DTX3L: variants seen among roughly 807,000 people sequenced by gnomAD.
DTX3L encodes the protein E3 ubiquitin-protein ligase DTX3L.
A neutral mutation model predicts 60.9 loss-of-function variants in DTX3L; 34 were observed. That is an observed-to-expected ratio of 0.56 (90% CI 0.42 to 0.74). The LOEUF (loss-of-function observed/expected upper bound fraction) is 0.74, where lower values mean the gene tolerates loss of function less well. DTX3L is among the 30% of genes least tolerant of loss of function. The pLI, the probability that DTX3L is intolerant of heterozygous loss-of-function variation, is 0.00. For synonymous variants in DTX3L, 290 were observed against 316.6 expected (o/e 0.92, Z 0.89); for missense variants, 810 against 874.0 (o/e 0.93, Z 0.92).
intron 2 of DTX3L, 139 bp from the exon 3 acceptor site, chr3:122,568,350 T>C: frequency 2.6e-6 from 1 of 379,778 alleles, no homozygotes; most frequent in Non-Finnish European, 4.5e-6. Context: ...AATAAATAAA[T>C]AGGATTTGAA....
In DTX3L at chr3:122,571,973, A is replaced by G; in HGVS notation, c.*226A>G. Reference sequence around the variant, plus strand: ...GCTCGCGCTGGAGTGCAGTGGCATGATCTCGGCTCACTGCAAGCTCCGCCT... The same window carrying G: ...GCTCGCGCTGGAGTGCAGTGGCATGGTCTCGGCTCACTGCAAGCTCCGCCT... On this transcript the variant is annotated 3_prime_UTR_variant, in exon 5 of 5. Transcript: ENST00000296161. The G allele has an allele frequency of 6.9e-6, 2 of 291,372 alleles. No homozygotes were observed. Among genetic ancestry groups the G allele is most frequent in the Non-Finnish European group, 1.3e-5 (2 of 151,454 alleles). The allele number at this position is 291,372 out of a possible 1,614,324, so 18.0% of individuals were successfully genotyped here.
intron 2 of DTX3L, among the ~76,000 whole-genome samples, chr3:122,566,792 T>C (rs888383513): frequency 6.6e-6 from 1 of 152,148 alleles, no homozygotes; most frequent in Non-Finnish European, 1.5e-5. Flanking sequence ...GGCACTGTTA[T>C]AGGAGCTGGG....
rs1208538244 is a variant in DTX3L at position 122,573,111 on chromosome 3, G to A, written c.*1364G>A. 1 of 150,548 alleles carries A rather than the reference G, an allele frequency of 6.6e-6. No homozygotes were observed. Among genetic ancestry groups the A allele is most frequent in the Admixed American group, 6.6e-5 (1 of 15,172 alleles). The allele number at this position is 150,548 out of a possible 1,614,324, so 9.3% of individuals were successfully genotyped here. ...AGAAATCAAATGACAGAGAGGAAGT[G>A]AGAGAGAGAGGTGTCGGGGAGGTGC... On this transcript the variant is annotated 3_prime_UTR_variant, in exon 5 of 5. Coordinates refer to ENST00000296161, the MANE Select transcript of DTX3L (RefSeq NM_138287.3).
chr3:122,569,587 G>A lies in DTX3L; in HGVS notation c.1498G>A (p.Ala500Thr). 1.2e-6 allele frequency: 2 copies of A among 1,614,200 alleles called. No individual in the cohort carries two copies. The highest frequency in any genetic ancestry group is 1.7e-6 in the Non-Finnish European group (2 of 1,180,022). The part of the protein sequence containing the change: ...MTLTGLPNHL[A>T]KAKQYVLKGG... The stretch of plus-strand genomic sequence containing the variant: ...TTTGACTGGTTTGCCAAATCACCTT[G>A]CAAAGGCGAAGCAGTATGTTCTAAA... Residue 500 changes from alanine (A) to threonine (T), a missense_variant, in exon 3 of 5, where the codon GCA (alanine) becomes ACA (threonine). By Grantham distance (58) the Ala-to-Thr change is moderately conservative. Coordinates refer to ENST00000296161, the MANE Select transcript of DTX3L (RefSeq NM_138287.3).
Position 122,568,537 on chromosome 3 carries a change from G to T in DTX3L, c.448G>T (p.Glu150Ter). 1 of 1,613,952 alleles carries T rather than the reference G, an allele frequency of 6.2e-7. No individual in the cohort carries two copies. The highest frequency in any genetic ancestry group is 8.5e-7 in the Non-Finnish European group (1 of 1,179,968). Residue 150 changes from glutamate to a stop codon, truncating the protein, a stop_gained, in exon 3 of 5, where the codon GAG becomes TAG. Coordinates refer to ENST00000296161, the MANE Select transcript of DTX3L (RefSeq NM_138287.3). LOFTEE classifies it high-confidence loss of function. ...ADLNCNLFSKEQRAYITTLCP... is the reference protein window; with the variant it reads ...ADLNCNLFSK ...CCTGAACTGTAACCTGTTCTCCAAAGAGCAGAGGGCATACATAACCACACT... is the reference window on the plus strand; with the variant it reads ...CCTGAACTGTAACCTGTTCTCCAAATAGCAGAGGGCATACATAACCACACT...
intron 2 of DTX3L, among the ~76,000 whole-genome samples, chr3:122,567,286 A>G (rs1393901731): frequency 6.6e-6 from 1 of 152,072 alleles, no homozygotes; most frequent in Admixed American, 6.6e-5. Context: ...CTAAAGGGTC[A>G]CTCTGGCTGC....
At position 122,564,568 on chromosome 3, in the gene DTX3L, C is replaced by A; in HGVS notation, c.142C>A (p.His48Asn). Residue 48 changes from histidine to asparagine, a missense_variant, in exon 1 of 5, where the codon CAC (histidine) becomes AAC (asparagine). Physicochemically the swap from His to Asn is moderately conservative, Grantham distance 68. Coordinates refer to ENST00000296161, the MANE Select transcript of DTX3L (RefSeq NM_138287.3). ...GGAGTGCACGGTCAGCACCCAGGAA[C>A]ACGAAGCCCCGGGCACCTTCCGGGT... ...GGECTVSTQE[H>N]EAPGTFRVEF... 6.2e-7 allele frequency: 1 copy of A among 1,606,104 alleles called. No individual in the cohort carries two copies. Among genetic ancestry groups the A allele is most frequent in the Non-Finnish European group, 8.5e-7 (1 of 1,176,164 alleles).
rs1022115480 is a variant in DTX3L, at chr3:122,569,702, C to G, written c.1613C>G (p.Ala538Gly). Residue 538 changes from alanine to glycine, a missense_variant, in exon 3 of 5, where the codon GCT (alanine) becomes GGT (glycine). By Grantham distance (60) the Ala-to-Gly change is moderately conservative (BLOSUM62 0). Transcript: ENST00000296161. ...ATTGATAGCGATGATTCCAAAGCAG[C>G]TTCTCCGCCACTCAAGGGCTCTGTG... ...MDIDSDDSKA[A>G]SPPLKGSVSS... is the part of the protein sequence containing the mutation. The G allele has an allele frequency of 1.2e-6, 2 of 1,614,052 alleles. No homozygotes were observed. Among genetic ancestry groups the G allele is most frequent in the African/African-American group, 1.3e-5 (1 of 74,918 alleles).
Position 122,569,284 on chromosome 3 carries a change from A to G in DTX3L, c.1195A>G (p.Ile399Val), listed in dbSNP as rs748255230. ...TGAATTACTACAGGAGATATCAGAGATCGAAAAAAGGTATGACATTTGCAG... is the reference window on the plus strand; with the variant it reads ...TGAATTACTACAGGAGATATCAGAGGTCGAAAAAAGGTATGACATTTGCAG... ...ETELLQEISE[I>V]EKRYDICSKV... is the part of the protein sequence containing the mutation. Residue 399 changes from isoleucine to valine, a missense_variant, in exon 3 of 5, where the codon ATC becomes GTC. Coordinates refer to ENST00000296161, the MANE Select transcript of DTX3L (RefSeq NM_138287.3). 3.1e-6 allele frequency: 5 copies of G among 1,614,198 alleles called. No homozygotes were observed. Among genetic ancestry groups the G allele is most frequent in the Middle Eastern group, 1.6e-4 (1 of 6,062 alleles).
Position 122,568,949 on chromosome 3 carries a change from T to C in DTX3L, c.860T>C (p.Leu287Pro). ...TTCACCTCAAGTCGATCAGGTGACC[T>C]GGAAGCAGCTCGTGAGTCTTTTGCT... is the stretch of plus-strand genomic sequence containing the variant. ...LDFTSSRSGDLEAARESFASE... is the reference protein window; with the variant it reads ...LDFTSSRSGDPEAARESFASE... Residue 287 changes from leucine (L) to proline (P), a missense_variant, in exon 3 of 5, where the codon CTG becomes CCG. Physicochemically the swap from Leu to Pro is moderately conservative, Grantham distance 98 (BLOSUM62 -3). Transcript: ENST00000296161. 1 of 1,614,144 alleles carries C rather than the reference T, an allele frequency of 6.2e-7. No individual in the cohort carries two copies. The highest frequency in any genetic ancestry group is 8.5e-7 in the Non-Finnish European group (1 of 1,180,032).
intron 3 of DTX3L, 170 bp from the exon 4 acceptor site, chr3:122,570,285 C>T (rs1474330379): frequency 6.4e-6 from 5 of 775,796 alleles, no homozygotes; most frequent in African/African-American, 5.3e-5. Flanking sequence ...ACAGTGTTTC[C>T]AGCATGAATT....
Position 122,565,929 on chromosome 3 carries a change from GGT to G in DTX3L, c.259_260del (p.Val87ThrfsTer3). On this transcript the variant is annotated frameshift_variant, in exon 2 of 5. Coordinates refer to ENST00000296161, the MANE Select transcript of DTX3L (RefSeq NM_138287.3). LOFTEE classifies it high-confidence loss of function. ...VDEKPVPIFL[V>X]PTENSIKKNT... ...ACGAAAAACCTGTGCCCATTTTCCT[GGT>G]ACCCACTGAAAATTCAATAAAGAAG... The G allele has an allele frequency of 1.2e-6, 2 of 1,614,074 alleles. No homozygotes were observed. The highest frequency in any genetic ancestry group is 1.7e-6 in the Non-Finnish European group (2 of 1,180,028).
At chr3:122,571,527 C>T (rs1224424572) in intron 4 of DTX3L, 151 bp from the exon 5 acceptor site, 6 of 599,330 alleles carry the variant, frequency 1.0e-5, no homozygotes, top group Admixed American at 3.1e-5. Flanking sequence ...CTCGCATCTG[C>T]GAATTTAAAA....
chr3:122,571,626 G>A, intron 4 of DTX3L, 52 bp from the exon 5 acceptor site: 1 of 1,369,438 alleles, frequency 7.3e-7, no homozygotes, highest in Non-Finnish European at 1.0e-6. Flanking sequence ...GATATCTATT[G>A]CACATATCCG....
chr3:122,570,706 C>T (rs765314089), intron 4 of DTX3L, 34 bp downstream of exon 4: 47 of 1,605,200 alleles, frequency 2.9e-5, no homozygotes, highest in Non-Finnish European at 8.5e-7. Context: ...GGCTGCTCAA[C>T]AGAGTATAGG....
intron 2 of DTX3L, among the ~76,000 whole-genome samples, chr3:122,567,956 GTGAGTCTTATA>G: frequency 6.6e-6 from 1 of 152,278 alleles, no homozygotes; most frequent in East Asian, 1.9e-4. Context: ...AATTCGCCAG[GTGAGTCTTATA>G]TGCAGACAGG....
Position 122,573,978 on chromosome 3 carries a change from C to A in DTX3L, c.*2231C>A, listed in dbSNP as rs1343454405. On this transcript the variant is annotated 3_prime_UTR_variant, in exon 5 of 5. Coordinates refer to ENST00000296161, the MANE Select transcript of DTX3L (RefSeq NM_138287.3). ...TCAGCCTCTCAAGTGGCTGGGACCACAGAAGTGCACCACCATGCCTGGCTT... is the reference window on the plus strand; with the variant it reads ...TCAGCCTCTCAAGTGGCTGGGACCAAAGAAGTGCACCACCATGCCTGGCTT... 2 of 151,222 alleles carry A rather than the reference C, an allele frequency of 1.3e-5. No individual in the cohort carries two copies. The highest frequency in any genetic ancestry group is 2.4e-5 in the African/African-American group (1 of 41,040). The allele number at this position is 151,222 out of a possible 1,614,324, so 9.4% of individuals were successfully genotyped here.
In DTX3L at chr3:122,569,610, A is replaced by G. The variant is rs747010754; in HGVS notation, c.1521A>G (p.Leu507=). ...NHLAKAKQYV[L]KGGGMSSLAG... Reference sequence around the variant, plus strand: ...TTGCAAAGGCGAAGCAGTATGTTCTAAAAGGAGGAGGAATGTCTTCATTGG... The same window carrying G: ...TTGCAAAGGCGAAGCAGTATGTTCTGAAAGGAGGAGGAATGTCTTCATTGG... The change falls in exon 3 of 5, where the codon CTA becomes CTG. Residue 507 remains leucine (L), a synonymous_variant. Transcript: ENST00000296161. The G allele has an allele frequency of 6.2e-7, 1 of 1,614,208 alleles. No individual in the cohort carries two copies. The highest frequency in any genetic ancestry group is 8.5e-7 in the Non-Finnish European group (1 of 1,180,030).
chr3:122,571,648 G>A (rs530544053), intron 4 of DTX3L, 30 bp from the exon 5 acceptor site: 2 of 1,575,266 alleles, frequency 1.3e-6, no homozygotes, highest in South Asian at 2.3e-5. Context: ...ACAATTTGTG[G>A]TGACACTAAA....
Sources: gnomAD v4.1 joint callset for allele counts (sites outside exome capture counted in the v4.1 genomes callset) on GRCh38, gnomAD v4.1.1 for gene constraint, MANE v1.5 for transcripts, NCBI Gene and HGNC (gene_info 2026-07-23, HGNC 2026-07-21) for gene names.